The following KCNQ1 variants were observed in gnomAD, a reference collection of about 807,000 sequenced individuals.
The protein encoded by KCNQ1 is potassium voltage-gated channel subfamily KQT member 1.
A neutral mutation model predicts 72.4 loss-of-function variants in KCNQ1; 49 were observed. That is an observed-to-expected ratio of 0.68 (90% CI 0.54 to 0.86). KCNQ1 has a LOEUF of 0.86. Among genes scored for constraint, KCNQ1 ranks in the 40% least tolerant of loss-of-function variants. The pLI is 0.00. For missense variants in KCNQ1, 790 were observed against 945.1 expected, an observed-to-expected ratio of 0.84 and a Z score of 2.15; for synonymous variants, 450 against 412.6, an observed-to-expected ratio of 1.09 and a Z score of -1.10.
In KCNQ1 at chr11:2,777,968, C is replaced by T. The variant is rs1341796131; in HGVS notation, c.1733-8C>T. On this transcript the variant is annotated splice_polypyrimidine_tract_variant and splice_region_variant and intron_variant, in intron 14 of 15. Coordinates refer to ENST00000155840, the MANE Select transcript of KCNQ1 (RefSeq NM_000218.3). ...TTGGCCCTGATTTGGGTGTTTTATC[C>T]CCCATAGAAAAGAGCAAGGATCGCG... 2 of 1,613,714 alleles carry T rather than the reference C, an allele frequency of 1.2e-6. No individual in the cohort carries two copies. Among genetic ancestry groups the T allele is most frequent in the Non-Finnish European group, 1.7e-6 (2 of 1,179,926 alleles).
chr11:2,662,098 G>T lies in KCNQ1; in HGVS notation c.1514+17G>T, dbSNP rs199795287. ...CATCTCACAGTGAGTGCCTACATGT[G>T]CGTGAAGGGCTGGGCTGGAGGGGAC... On this transcript the variant is annotated intron_variant, in intron 11 of 15. Transcript: ENST00000155840. The T allele has an allele frequency of 6.2e-7, 1 of 1,614,144 alleles. No homozygotes were observed. Among genetic ancestry groups the T allele is most frequent in the African/African-American group, 1.3e-5 (1 of 75,062 alleles).
chr11:2,777,726 G>A (rs1307039306), intron 14 of KCNQ1: 12 of 608,142 alleles, frequency 2.0e-5, no homozygotes, highest in African/African-American at 5.6e-5. Context: ...GCCCCCTAGG[G>A]CTCTCAGAGG....
chr11:2,661,854 C>T lies in KCNQ1; in HGVS notation c.1394-107C>T. The T allele has an allele frequency of 9.2e-6, 13 of 1,412,914 alleles. No individual in the cohort carries two copies. Among genetic ancestry groups the T allele is most frequent in the Non-Finnish European group, 1.2e-5 (12 of 1,001,558 alleles). The allele number at this position is 1,412,914 out of a possible 1,614,324, so 87.5% of individuals were successfully genotyped here. ...GATTGTCAGGGCTGGAGCTTCCAGG[C>T]ACAAGCTCCACTCCTCACCTGGCCC... On this transcript the variant is annotated intron_variant, in intron 10 of 15. Transcript: ENST00000155840. The surrounding 1 kb of genome is among the most constrained non-coding windows in gnomAD (Gnocchi z 5.9).
chr11:2,682,475 C>CGAGT lies in KCNQ1; in HGVS notation c.1514+20423_1514+20426dup, dbSNP rs3831584. 23,584 of 390,080 alleles carry CGAGT rather than the reference C, an allele frequency of 0.06. 1,021 individuals carry two copies. The highest frequency in any genetic ancestry group is 0.16 in the African/African-American group (7,632 of 47,690). The allele number at this position is 390,080 out of a possible 1,614,324, so 24.2% of individuals were successfully genotyped here. A position where few individuals can be genotyped will look rare whatever the true frequency, so the allele number is the denominator to read the frequency against. On this transcript the variant is annotated intron_variant, in intron 11 of 15. Coordinates refer to ENST00000155840, the MANE Select transcript of KCNQ1 (RefSeq NM_000218.3). This position sits in a 1 kb window ranked among gnomAD's most constrained non-coding sequence, Gnocchi z 5.8. Reference sequence around the variant, plus strand: ...TCACGGACCCTCAGTGAATGTTTGACGAGTGAGTGAGTGAGTGAGTGAGTG... The same window carrying CGAGT: ...TCACGGACCCTCAGTGAATGTTTGACGAGTGAGTGAGTGAGTGAGTGAGTGAGTG...
intron 15 of KCNQ1, among the ~76,000 whole-genome samples, chr11:2,796,716 C>T (rs1203380837): frequency 8.5e-5 from 13 of 152,168 alleles, no homozygotes; most frequent in African/African-American, 1.9e-4. Context: ...AGGAAGACCT[C>T]GTGGGTTTCC....
chr11:2,802,021 T>G (rs1847276481), intron 15 of KCNQ1, among the ~76,000 whole-genome samples: 1 of 152,200 alleles, frequency 6.6e-6, no homozygotes, highest in African/African-American at 2.4e-5. Context: ...AGCTTTGTAT[T>G]CTCTGTGGCT....
rs2283216 is a variant in KCNQ1 at position 2,731,833 on chromosome 11, G to A, written c.1515-37011G>A. ...CAGTGGTGGGTAACTCACTCAGCTAGAGCGTCTGATCACACCACTGCAGCG... is the reference window on the plus strand; with the variant it reads ...CAGTGGTGGGTAACTCACTCAGCTAAAGCGTCTGATCACACCACTGCAGCG... On this transcript the variant is annotated intron_variant, in intron 11 of 15. Transcript: ENST00000155840. 0.013 allele frequency among the ~76,000 whole-genome samples: 2,036 copies of A among 152,336 alleles called. 89 individuals are homozygous for A. The East Asian group carries it at 0.14, about 11-fold the overall frequency.
rs1320659417 is a variant in KCNQ1, at chr11:2,677,441, A to G, written c.1514+15360A>G. 1 of 398,482 alleles carries G rather than the reference A, an allele frequency of 2.5e-6. No homozygotes were observed. 24.7% of individuals were successfully genotyped at this position (398,482 alleles called of 1,614,324 possible). A position where few individuals can be genotyped will look rare whatever the true frequency, so the allele number is the denominator to read the frequency against. On this transcript the variant is annotated intron_variant, in intron 11 of 15. Transcript: ENST00000155840. The surrounding 1 kb of genome is among the most constrained non-coding windows in gnomAD (Gnocchi z 4.5). ...AGGACAGCAGGGGAGATGATAATTGATGCAGGTGGCCTCTTGGTCAAGCAG... is the reference window on the plus strand; with the variant it reads ...AGGACAGCAGGGGAGATGATAATTGGTGCAGGTGGCCTCTTGGTCAAGCAG...
At chr11:2,517,747 T>C (rs1357057980) in intron 1 of KCNQ1, among the ~76,000 whole-genome samples, 2 of 152,196 alleles carry the variant, frequency 1.3e-5, no homozygotes, top group African/African-American at 4.8e-5. Flanking sequence ...CTGCACGTCC[T>C]GCCCGCTCAC....
Position 2,473,335 on chromosome 11 carries a change from A to T in KCNQ1, c.386+27851A>T, listed in dbSNP as rs1173205882. Among the ~76,000 whole-genome samples, 1 of 151,692 alleles carries T rather than the reference A, an allele frequency of 6.6e-6. No individual in the cohort carries two copies. Among genetic ancestry groups the T allele is most frequent in the South Asian group, 2.1e-4 (1 of 4,792 alleles). ...GCTGGGGACTCAGGGAGGGTTGGGG[A>T]CCTCCAGGGCTTCCATTCGACCTGA... is the stretch of plus-strand genomic sequence containing the variant. On this transcript the variant is annotated intron_variant, in intron 1 of 15. Coordinates refer to ENST00000155840, the MANE Select transcript of KCNQ1 (RefSeq NM_000218.3). The surrounding 1 kb of genome is among the most constrained non-coding windows in gnomAD (Gnocchi z 6.0).
chr11:2,522,876 A>G (rs1353220305), intron 1 of KCNQ1, among the ~76,000 whole-genome samples: 2 of 151,940 alleles, frequency 1.3e-5, no homozygotes, highest in East Asian at 3.9e-4. Context: ...GTGGACGCCC[A>G]CTTGGGTGCA....
chr11:2,752,047 G>A lies in KCNQ1; in HGVS notation c.1515-16797G>A, dbSNP rs528526081. Among the ~76,000 whole-genome samples, 18 of 152,312 alleles carry A rather than the reference G, an allele frequency of 1.2e-4. No individual in the cohort carries two copies. Among genetic ancestry groups the A allele is most frequent in the African/African-American group, 3.9e-4 (16 of 41,556 alleles). On this transcript the variant is annotated intron_variant, in intron 11 of 15. Coordinates refer to ENST00000155840, the MANE Select transcript of KCNQ1 (RefSeq NM_000218.3). This position sits in a 1 kb window ranked among gnomAD's most constrained non-coding sequence, Gnocchi z 5.2. ...CCTTGTACTGCCCTGTCCTCCCCACGCCCTGAGGGGCCGTCCTAGGCAGCA... is the reference window on the plus strand; with the variant it reads ...CCTTGTACTGCCCTGTCCTCCCCACACCCTGAGGGGCCGTCCTAGGCAGCA...
chr11:2,453,377 G>A (rs34164357), intron 1 of KCNQ1, among the ~76,000 whole-genome samples: 23,370 of 139,816 alleles, frequency 0.17, 2,860 homozygotes, highest in African/African-American at 0.35. Context: ...CCATCTCAGG[G>A]AAAAAAAAAA....
intron 2 of KCNQ1, among the ~76,000 whole-genome samples, chr11:2,548,565 G>C (rs961781170): frequency 6.6e-5 from 10 of 152,244 alleles, no homozygotes; most frequent in African/African-American, 2.4e-4. Context: ...TTACGTGTCT[G>C]CAAACCGCTA....
chr11:2,799,496 G>A (rs888022197), intron 15 of KCNQ1, among the ~76,000 whole-genome samples: 1 of 151,762 alleles, frequency 6.6e-6, no homozygotes, highest in Non-Finnish European at 1.5e-5. Flanking sequence ...TGTGTGTTTT[G>A]TTGTATGTGG....
chr11:2,726,386 G>A (rs888200181), intron 11 of KCNQ1, among the ~76,000 whole-genome samples: 2 of 152,164 alleles, frequency 1.3e-5, no homozygotes, highest in Non-Finnish European at 2.9e-5. Context: ...AGTGAGGGTG[G>A]TGCTCTTCCT....
chr11:2,655,631 G>A, intron 10 of KCNQ1: 1 of 398,686 alleles, frequency 2.5e-6, no homozygotes, highest in East Asian at 3.6e-5. Flanking sequence ...TCAAGCCCTG[G>A]CCTGAAAGAG....
rs905951086 is a variant in KCNQ1 at position 2,653,755 on chromosome 11, T to C, written c.1394-8206T>C. 1 of 398,640 alleles carries C rather than the reference T, an allele frequency of 2.5e-6. No individual in the cohort carries two copies. The highest frequency in any genetic ancestry group is 4.4e-5 in the Admixed American group (1 of 22,732). The allele number at this position is 398,640 out of a possible 1,614,324, so 24.7% of individuals were successfully genotyped here. On this transcript the variant is annotated intron_variant, in intron 10 of 15. Coordinates refer to ENST00000155840, the MANE Select transcript of KCNQ1 (RefSeq NM_000218.3). The surrounding 1 kb of genome is among the most constrained non-coding windows in gnomAD (Gnocchi z 5.3). ...ATCTAAGGCCAGGTTCTTATTGGCC[T>C]CAGCTGGGGTACAAGCCATCCTTGG...
At chr11:2,835,466 A>T (rs1289140714) in intron 15 of KCNQ1, among the ~76,000 whole-genome samples, 1 of 151,944 alleles carries the variant, frequency 6.6e-6, no homozygotes, top group South Asian at 2.1e-4. Context: ...CAGTCACCCT[A>T]CCGGCAGAGC....
Sources: allele counts gnomAD v4.1 joint callset (sites outside exome capture counted in the v4.1 genomes callset), GRCh38; gene constraint gnomAD v4.1.1; non-coding constraint Gnocchi (gnomAD v3.1); transcripts MANE v1.5; gene names NCBI Gene and HGNC (gene_info 2026-07-23, HGNC 2026-07-21).